The following SPATA16 variants were observed in gnomAD, a reference collection of about 807,000 sequenced individuals.
SPATA16 encodes the protein spermatogenesis-associated protein 16.
In SPATA16, 36 loss-of-function variants were observed where a neutral mutation model predicts 63.3. The ratio of observed to expected loss-of-function variants is 0.57; its 90% CI spans 0.44 to 0.75. The LOEUF is 0.75. Among genes scored for constraint, SPATA16 ranks in the 30% least tolerant of loss-of-function variants. SPATA16 has a pLI of 0.00. For synonymous variants in SPATA16, 203 were observed against 216.7 expected, an observed-to-expected ratio of 0.94 and a Z score of 0.56; for missense variants, 646 against 679.3, an observed-to-expected ratio of 0.95 and a Z score of 0.54.
intron 9 of SPATA16, among the ~76,000 whole-genome samples, chr3:172,914,747 A>G (rs532268766): frequency 6.6e-6 from 1 of 152,110 alleles, no homozygotes; most frequent in Admixed American, 6.5e-5. Flanking sequence ...TCTGCTGGGT[A>G]TATAAGTACA....
chr3:173,140,350 A>C (rs1738676649), intron 1 of SPATA16, among the ~76,000 whole-genome samples: 12 of 146,780 alleles, frequency 8.2e-5, no homozygotes, highest in Admixed American at 8.0e-4. Context: ...TTAATATTTT[A>C]TGGGTAATAA....
intron 3 of SPATA16, among the ~76,000 whole-genome samples, chr3:173,021,543 T>C (rs560250626): frequency 1.3e-4 from 20 of 152,294 alleles, no homozygotes; most frequent in African/African-American, 4.6e-4. Flanking sequence ...TTACCATGAA[T>C]ATTTTTTATT....
At chr3:172,940,837 G>T (rs1195578483) in intron 6 of SPATA16, among the ~76,000 whole-genome samples, 1 of 152,026 alleles carries the variant, frequency 6.6e-6, no homozygotes, top group Non-Finnish European at 1.5e-5. Context: ...CAAAAAATTA[G>T]CTGGGCGTGG....
In SPATA16 at chr3:172,951,738, C is replaced by T. The variant is rs545738774; in HGVS notation, c.1081+4939G>A. 1.1e-4 allele frequency among the ~76,000 whole-genome samples: 16 copies of T among 152,168 alleles called. No individual in the cohort carries two copies. In the South Asian group the frequency reaches 1.7e-3, roughly 16 times the overall value. ...TCACGTGACCAGGGAGCAATAAACT[C>T]GACACTATCTATGCTTGATGAAGGT... On this transcript the variant is annotated intron_variant, in intron 6 of 10. Transcript: ENST00000351008.
chr3:173,012,571 A>G (rs1451025949), intron 4 of SPATA16, among the ~76,000 whole-genome samples: 1 of 152,256 alleles, frequency 6.6e-6, no homozygotes, highest in Non-Finnish European at 1.5e-5. Context: ...TACTGGTACA[A>G]AAACACACAC....
At chr3:172,892,438 C>A (rs1458628462) in intron 10 of SPATA16, among the ~76,000 whole-genome samples, 2 of 152,172 alleles carry the variant, frequency 1.3e-5, no homozygotes, top group Non-Finnish European at 1.5e-5. Context: ...CACATCAGAG[C>A]CAAGTAGTCC....
intron 4 of SPATA16, among the ~76,000 whole-genome samples, chr3:173,012,302 G>A (rs1477535106): frequency 3.9e-5 from 6 of 152,144 alleles, no homozygotes; most frequent in Admixed American, 1.3e-4. Flanking sequence ...GGAAAAACAT[G>A]CCAGACTAAT....
chr3:173,122,883 A>G (rs1444701169), intron 1 of SPATA16, among the ~76,000 whole-genome samples: 1 of 152,192 alleles, frequency 6.6e-6, no homozygotes, highest in Admixed American at 6.5e-5. Context: ...CCTGGAACAT[A>G]AGAGACCCTC....
At chr3:172,949,051 G>A (rs1733363627) in intron 6 of SPATA16, among the ~76,000 whole-genome samples, 1 of 152,082 alleles carries the variant, frequency 6.6e-6, no homozygotes, top group African/African-American at 2.4e-5. Context: ...TACCTTGGTA[G>A]GGGGTAGGGA....
At chr3:172,971,894 A>G (rs537158658) in intron 5 of SPATA16, among the ~76,000 whole-genome samples, 14 of 152,118 alleles carry the variant, frequency 9.2e-5, no homozygotes, top group Non-Finnish European at 1.6e-4. Flanking sequence ...AGTGACAATC[A>G]TGTAAAGAGA....
At chr3:173,016,646 A>G (rs986639666) in intron 4 of SPATA16, among the ~76,000 whole-genome samples, 11 of 152,230 alleles carry the variant, frequency 7.2e-5, no homozygotes, top group African/African-American at 2.4e-4. Context: ...GTCTTTACCA[A>G]TGAATTTTGA....
intron 6 of SPATA16, among the ~76,000 whole-genome samples, chr3:172,927,965 A>G (rs1732779455): frequency 6.6e-6 from 1 of 151,558 alleles, no homozygotes; most frequent in Non-Finnish European, 1.5e-5. Flanking sequence ...GCTGGAGTGC[A>G]ATGGCACTAT....
At chr3:172,962,278 A>AAAAAAAT (rs1733808194) in intron 5 of SPATA16, among the ~76,000 whole-genome samples, 1 of 149,340 alleles carries the variant, frequency 6.7e-6, no homozygotes, top group African/African-American at 2.4e-5. Flanking sequence ...AAAAAAAAAA[A>AAAAAAAT]GGACTCACAG....
intron 6 of SPATA16, among the ~76,000 whole-genome samples, chr3:172,954,469 T>C (rs1560077734): frequency 6.6e-6 from 1 of 152,202 alleles, no homozygotes; most frequent in Non-Finnish European, 1.5e-5. Context: ...CAGAGGATTC[T>C]GGTTTTTGGA....
At chr3:173,005,353 T>C (rs1577128091) in intron 4 of SPATA16, among the ~76,000 whole-genome samples, 1 of 132,946 alleles carries the variant, frequency 7.5e-6, no homozygotes, top group Non-Finnish European at 1.6e-5. Flanking sequence ...AAAAAGAAAA[T>C]GTAGAATCAG....
At chr3:173,044,847 T>C (rs1399812337) in intron 3 of SPATA16, among the ~76,000 whole-genome samples, 1 of 152,112 alleles carries the variant, frequency 6.6e-6, no homozygotes, top group Non-Finnish European at 1.5e-5. Context: ...AGTTGTATTT[T>C]TTGTTAAGAC....
intron 3 of SPATA16, among the ~76,000 whole-genome samples, chr3:173,030,939 C>T (rs1735590609): frequency 6.6e-6 from 1 of 152,030 alleles, no homozygotes; most frequent in Admixed American, 6.6e-5. Context: ...AACATGAATG[C>T]ACTTCAGACA....
intron 4 of SPATA16, among the ~76,000 whole-genome samples, chr3:173,017,232 C>T (rs1309531081): frequency 6.6e-6 from 1 of 152,120 alleles, no homozygotes; most frequent in Non-Finnish European, 1.5e-5. Flanking sequence ...TCTATAGAAA[C>T]TGCACACCAG....
chr3:172,998,751 C>T (rs1275678178), intron 4 of SPATA16, among the ~76,000 whole-genome samples: 4 of 151,928 alleles, frequency 2.6e-5, no homozygotes, highest in Non-Finnish European at 5.9e-5. Flanking sequence ...ATTTGTGTCA[C>T]GAATATTTGT....
Sources: gnomAD v4.1 joint callset for allele counts (sites outside exome capture counted in the v4.1 genomes callset) on GRCh38, gnomAD v4.1.1 for gene constraint, MANE v1.5 for transcripts, NCBI Gene and HGNC (gene_info 2026-07-23, HGNC 2026-07-21) for gene names.